The following RAB29 variants were observed in gnomAD, a reference collection of about 807,000 sequenced individuals.
RAB29 encodes the protein ras-related protein Rab-29.
Under a neutral mutation model 25.5 loss-of-function variants are expected in RAB29, and 13 were observed. The observed-to-expected ratio is 0.51, with a 90% confidence interval of 0.33 to 0.81. The LOEUF (loss-of-function observed/expected upper bound fraction) is 0.81. Among genes scored for constraint, RAB29 ranks in the 30% least tolerant of loss-of-function variants. The pLI is 0.02. For missense variants in RAB29, 201 were observed against 254.9 expected (o/e 0.79, Z 1.44); for synonymous variants, 88 against 95.0 (o/e 0.93, Z 0.43).
intron 2 of RAB29, 39 bp downstream of exon 2, chr1:205,774,794 C>CAACAA: frequency 7.0e-7 from 1 of 1,419,272 alleles, no homozygotes; most frequent in Non-Finnish European, 9.7e-7. Flanking sequence ...TCGGGGCCTC[C>CAACAA]TCCTCCCCCT....
chr1:205,774,027 G>A (rs1476460110), intron 2 of RAB29, among the ~76,000 whole-genome samples: 1 of 152,066 alleles, frequency 6.6e-6, no homozygotes, highest in Non-Finnish European at 1.5e-5. Context: ...TAACAATAAG[G>A]CATTTCTGCC....
rs375733455 is a variant in RAB29 at position 205,770,888 on chromosome 1, A to G, written c.379-34T>C. ...GAGAAAAAATAAAAGGCAGTATCAT[A>G]AACTTCCTGCAACTAAGAAAGAATA... On this transcript the variant is annotated intron_variant, in intron 4 of 5. Coordinates refer to ENST00000367139, the MANE Select transcript of RAB29 (RefSeq NM_003929.3). The G allele has an allele frequency of 1.0e-4, 165 of 1,612,776 alleles. No homozygotes were observed. In the African/African-American group the frequency reaches 2.1e-3, roughly 20 times the overall value.
At chr1:205,772,648 T>G in intron 2 of RAB29, 81 bp from the exon 3 acceptor site, 2 of 1,274,812 alleles carry the variant, frequency 1.6e-6, no homozygotes, top group Non-Finnish European at 2.3e-6. Context: ...AAATAGGCAG[T>G]GAAACCCTAT....
chr1:205,775,008 G>T lies in RAB29; in HGVS notation c.-52C>A, dbSNP rs771931682. On this transcript the variant is annotated 5_prime_UTR_variant, in exon 2 of 6. Coordinates refer to ENST00000367139, the MANE Select transcript of RAB29 (RefSeq NM_003929.3). ...GGCGGGAAGTGTGGTCGGGGATCGGGGGTCGCTCGTTTTAACCCCTTTGGA... is the reference window on the plus strand; with the variant it reads ...GGCGGGAAGTGTGGTCGGGGATCGGTGGTCGCTCGTTTTAACCCCTTTGGA... The T allele has an allele frequency of 6.2e-7, 1 of 1,607,710 alleles. No individual in the cohort carries two copies. The highest frequency in any genetic ancestry group is 8.5e-7 in the Non-Finnish European group (1 of 1,178,524).
chr1:205,775,177 G>A (rs1219128693), intron 1 of RAB29, 91 bp from the exon 2 acceptor site: 2 of 535,582 alleles, frequency 3.7e-6, no homozygotes, highest in Admixed American at 7.1e-5. Context: ...GGGGCGCAGG[G>A]CGCGAGCTCC....
chr1:205,775,332 A>G lies in RAB29; in HGVS notation c.-190T>C, dbSNP rs1008145378. On this transcript the variant is annotated 5_prime_UTR_variant, in exon 1 of 6. Transcript: ENST00000367139. ...TGAATCCCAGTCAGCTCCTTACACC[A>G]CTGGGGCCAGATGATGGGGACCCTC... 2 of 192,578 alleles carry G rather than the reference A, an allele frequency of 1.0e-5. No homozygotes were observed. Among genetic ancestry groups the G allele is most frequent in the Non-Finnish European group, 1.1e-5 (1 of 93,710 alleles). 11.9% of individuals were successfully genotyped at this position (192,578 alleles called of 1,614,324 possible).
In RAB29 at chr1:205,771,610, A is replaced by G. The variant is rs1210084112; in HGVS notation, c.240T>C (p.Asp80=). The G allele has an allele frequency of 6.8e-6, 11 of 1,614,208 alleles. No individual in the cohort carries two copies. The highest frequency in any genetic ancestry group is 9.3e-6 in the Non-Finnish European group (11 of 1,180,018). Residue 80 remains aspartate, a synonymous_variant, in exon 4 of 6, where the codon GAT becomes GAC. Coordinates refer to ENST00000367139, the MANE Select transcript of RAB29 (RefSeq NM_003929.3). ...FTSMTRLYYR[D]ASACVIMFDV... Reference sequence around the variant, plus strand: ...CAAACATAATAACACAGGCAGAGGCATCCCGATAATACAATCGTGTCATAG... The same window carrying G: ...CAAACATAATAACACAGGCAGAGGCGTCCCGATAATACAATCGTGTCATAG...
intron 2 of RAB29, 35 bp downstream of exon 2, chr1:205,774,798 T>TACCCCCC: frequency 3.0e-6 from 2 of 658,514 alleles, no homozygotes; most frequent in African/African-American, 1.9e-5. Context: ...GGCCTCCTCC[T>TACCCCCC]CCCCCTCCCC....
At chr1:205,774,737 C>A in intron 2 of RAB29, 96 bp downstream of exon 2, 2 of 1,344,086 alleles carry the variant, frequency 1.5e-6, no homozygotes, top group Non-Finnish European at 1.0e-6. Flanking sequence ...ACCCAACAAC[C>A]GACAGCAAAT....
intron 4 of RAB29, chr1:205,771,100 C>T (rs1035583750): frequency 1.0e-5 from 5 of 489,108 alleles, no homozygotes; most frequent in Admixed American, 3.3e-5. Context: ...AGAGCGAGAC[C>T]ATCCTGGCTA....
Position 205,770,827 on chromosome 1 carries a change from G to A in RAB29, c.406C>T (p.Arg136Trp), listed in dbSNP as rs748171316. ...TTACTGAACCGGTCAATCTGGTCCC[G>A]GCTCACTGCCCAAGGGGACAGATCA... Reference protein sequence around the residue: ...KCDLSPWAVSRDQIDRFSKEN... With the variant: ...KCDLSPWAVSWDQIDRFSKEN... Residue 136 changes from arginine (R) to tryptophan (W), a missense_variant, in exon 5 of 6, where the codon CGG (arginine) becomes TGG (tryptophan). Transcript: ENST00000367139. 23 of 1,613,926 alleles carry A rather than the reference G, an allele frequency of 1.4e-5. No individual in the cohort carries two copies. The Admixed American group carries it at 1.5e-4, about 11-fold the overall frequency.
At chr1:205,774,250 A>G (rs16856296) in intron 2 of RAB29, among the ~76,000 whole-genome samples, 9,474 of 152,326 alleles carry the variant, frequency 0.062, 333 homozygotes, top group Middle Eastern at 0.088. Context: ...CCTCATGGGC[A>G]TCTGACTGCG....
At chr1:205,772,683 GTTTAACTT>G (rs1300510358) in intron 2 of RAB29, 116 bp from the exon 3 acceptor site, 29 of 954,348 alleles carry the variant, frequency 3.0e-5, no homozygotes, top group Non-Finnish European at 4.6e-5. Flanking sequence ...AATCCCATAT[GTTTAACTT>G]TAAGCCCTCA....
At chr1:205,773,838 T>A (rs897876774) in intron 2 of RAB29, among the ~76,000 whole-genome samples, 2 of 152,182 alleles carry the variant, frequency 1.3e-5, no homozygotes, top group African/African-American at 4.8e-5. Context: ...ATGTTTTAAT[T>A]GCAATGTAAA....
chr1:205,770,142 C>T lies in RAB29; in HGVS notation c.*200G>A. 1.7e-6 allele frequency: 1 copy of T among 603,702 alleles called. No individual in the cohort carries two copies. The highest frequency in any genetic ancestry group is 3.0e-6 in the Non-Finnish European group (1 of 338,228). 37.4% of individuals were successfully genotyped at this position (603,702 alleles called of 1,614,324 possible). On this transcript the variant is annotated 3_prime_UTR_variant, in exon 6 of 6. Coordinates refer to ENST00000367139, the MANE Select transcript of RAB29 (RefSeq NM_003929.3). ...ACTAACTGGCACTAATGTGAGCCAGCAACATGTGAAAGGCTAATCCAGGAG... is the reference window on the plus strand; with the variant it reads ...ACTAACTGGCACTAATGTGAGCCAGTAACATGTGAAAGGCTAATCCAGGAG...
At chr1:205,771,222 C>T (rs1654981052) in intron 4 of RAB29, 1 of 521,132 alleles carries the variant, frequency 1.9e-6, no homozygotes, top group African/African-American at 1.9e-5. Flanking sequence ...TGGCGTGAAC[C>T]TGGGAGGCAG....
intron 4 of RAB29, chr1:205,771,204 C>T (rs577148929): frequency 3.6e-5 from 18 of 494,828 alleles, no homozygotes; most frequent in Non-Finnish European, 6.2e-5. Context: ...GAGGCTGAGG[C>T]AAGAGAATGG....
intron 4 of RAB29, 97 bp downstream of exon 4, chr1:205,771,369 CAACTTA>C (rs1655000900): frequency 7.1e-7 from 1 of 1,404,682 alleles, no homozygotes; most frequent in Non-Finnish European, 1.0e-6. Flanking sequence ...ATGATTTTGC[CAACTTA>C]AGAAGGGGAA....
chr1:205,771,698 C>T (rs765029813), intron 3 of RAB29, 45 bp from the exon 4 acceptor site: 2 of 1,562,408 alleles, frequency 1.3e-6, no homozygotes, highest in Admixed American at 1.7e-5. Context: ...AAGAGCCGGC[C>T]TCTCCCCATT....
Sources: gnomAD v4.1 joint callset for allele counts (sites outside exome capture counted in the v4.1 genomes callset) on GRCh38, gnomAD v4.1.1 for gene constraint, MANE v1.5 for transcripts, NCBI Gene and HGNC (gene_info 2026-07-23, HGNC 2026-07-21) for gene names.